The following RIBC2 variants were observed in gnomAD, a reference collection of about 807,000 sequenced individuals.
The protein encoded by RIBC2 is RIB43A-like with coiled-coils protein 2.
A neutral mutation model predicts 44.3 loss-of-function variants in RIBC2; 40 were observed. The ratio of observed to expected loss-of-function variants is 0.90; its 90% CI spans 0.70 to 1.18. RIBC2 has a LOEUF of 1.18. RIBC2 is among the 50% of genes most tolerant of loss of function. RIBC2 has a pLI of 0.00. For missense variants in RIBC2, 459 were observed against 485.5 expected, an observed-to-expected ratio of 0.95 and a Z score of 0.51; for synonymous variants, 171 against 175.0, an observed-to-expected ratio of 0.98 and a Z score of 0.18.
intron 4 of RIBC2, among the ~76,000 whole-genome samples, chr22:45,423,627 CCA>C (rs1414504269): frequency 6.6e-6 from 1 of 152,036 alleles, no homozygotes; most frequent in African/African-American, 2.4e-5. Context: ...GTCAAAAATC[CCA>C]GAGAGGCTGG....
intron 5 of RIBC2, among the ~76,000 whole-genome samples, chr22:45,429,852 GA>G (rs2087563875): frequency 6.6e-6 from 1 of 152,152 alleles, no homozygotes; most frequent in Admixed American, 6.6e-5. Flanking sequence ...AAACACACAT[GA>G]AACCTCCCCA....
chr22:45,430,748 TG>T, intron 5 of RIBC2, 151 bp from the exon 6 acceptor site: 2 of 997,848 alleles, frequency 2.0e-6, no homozygotes, highest in Non-Finnish European at 2.9e-6. Flanking sequence ...GGGTCTCCTC[TG>T]GCTTCCTGCA....
In RIBC2 at chr22:45,417,789, T is replaced by C. The variant is rs2087439740; in HGVS notation, c.399T>C (p.Asp133=). 1.9e-6 allele frequency: 3 copies of C among 1,614,148 alleles called. No homozygotes were observed. In the East Asian group the frequency reaches 6.7e-5, roughly 36 times the overall value. ...AAGATCTTCCAGCCCGGCAGTCAGA[T>C]AATGATGTTCGGAATACGATATCAG... ...LKKDLPARQS[D]NDVRNTISGM... is the part of the protein sequence containing the mutation. Residue 133 remains aspartate, a synonymous_variant, in exon 3 of 7, where the codon GAT becomes GAC. Transcript: ENST00000614167.
chr22:45,419,439 A>G (rs1236125707), intron 3 of RIBC2, among the ~76,000 whole-genome samples: 1 of 152,016 alleles, frequency 6.6e-6, no homozygotes, highest in East Asian at 1.9e-4. Flanking sequence ...AACTAAGGCT[A>G]TCAGCATCTC....
chr22:45,425,903 C>G (rs1305948732), intron 4 of RIBC2, 45 bp from the exon 5 acceptor site: 3 of 1,544,098 alleles, frequency 1.9e-6, no homozygotes, highest in African/African-American at 1.4e-5. Flanking sequence ...CAGAATGCCC[C>G]TGGGGTCACT....
rs1417708925 is a variant in RIBC2 at position 45,430,999 on chromosome 22, C to T, written c.1003C>T (p.Arg335Trp). ...GCTGTTTGAGCGGCAGCAGTGGCGGCGGCAGCGCGACCTGCGCAGAGCTCT... is the reference window on the plus strand; with the variant it reads ...GCTGTTTGAGCGGCAGCAGTGGCGGTGGCAGCGCGACCTGCGCAGAGCTCT... ...TLLFERQQWR[R>W]QRDLRRALDS... Residue 335 changes from arginine to tryptophan, a missense_variant, in exon 6 of 7, where the codon CGG (arginine) becomes TGG (tryptophan). Coordinates refer to ENST00000614167, the MANE Select transcript of RIBC2 (RefSeq NM_015653.5). 1.9e-6 allele frequency: 3 copies of T among 1,597,916 alleles called. No individual in the cohort carries two copies. The highest frequency in any genetic ancestry group is 1.1e-5 in the South Asian group (1 of 88,760).
chr22:45,421,868 C>T (rs1424545331), intron 3 of RIBC2, among the ~76,000 whole-genome samples: 1 of 152,074 alleles, frequency 6.6e-6, no homozygotes, highest in African/African-American at 2.4e-5. Flanking sequence ...CATCTGGCCC[C>T]ACTTCCTCCA....
intron 5 of RIBC2, among the ~76,000 whole-genome samples, chr22:45,429,139 G>A (rs569817319): frequency 6.6e-6 from 1 of 152,336 alleles, no homozygotes; most frequent in South Asian, 2.1e-4. Context: ...TAATGACAAC[G>A]GAAGGGTGGA....
chr22:45,423,950 GATA>G (rs1295311685), intron 4 of RIBC2, among the ~76,000 whole-genome samples: 1 of 152,140 alleles, frequency 6.6e-6, no homozygotes, highest in Non-Finnish European at 1.5e-5. Context: ...TGATGATGAT[GATA>G]ATTCACTCAT....
chr22:45,423,034 T>C (rs931014281), intron 4 of RIBC2, among the ~76,000 whole-genome samples: 5 of 152,206 alleles, frequency 3.3e-5, no homozygotes, highest in East Asian at 3.9e-4. Flanking sequence ...CAGGCTGAAG[T>C]GTAGTGGCAC....
chr22:45,413,943 C>T lies in RIBC2; in HGVS notation c.57C>T (p.Asn19=). 1 of 1,551,700 alleles carries T rather than the reference C, an allele frequency of 6.4e-7. No individual in the cohort carries two copies. Among genetic ancestry groups the T allele is most frequent in the South Asian group, 1.2e-5 (1 of 84,060 alleles). The change falls in exon 1 of 7, where the codon AAC becomes AAT. Residue 19 remains asparagine (N), a synonymous_variant. Transcript: ENST00000614167. ...ALPRDLRQDA[N]LAKRRHAELC... ...CCAGGGACTTGCGGCAGGACGCCAA[C>T]CTGGCAAAGAGGAGGCACGCGGAGC...
intron 4 of RIBC2, among the ~76,000 whole-genome samples, chr22:45,423,432 T>C (rs928640728): frequency 6.6e-6 from 1 of 152,228 alleles, no homozygotes; most frequent in Non-Finnish European, 1.5e-5. Flanking sequence ...AAGAAGGCTG[T>C]GCAGGATCTG....
At chr22:45,428,723 G>C (rs541059849) in intron 5 of RIBC2, among the ~76,000 whole-genome samples, 1 of 152,146 alleles carries the variant, frequency 6.6e-6, no homozygotes, top group Non-Finnish European at 1.5e-5. Context: ...AGTGCTAAGT[G>C]GTCATCTAGA....
At chr22:45,429,549 G>GGGCA (rs2087561167) in intron 5 of RIBC2, among the ~76,000 whole-genome samples, 13 of 152,228 alleles carry the variant, frequency 8.5e-5, no homozygotes, top group Middle Eastern at 3.4e-3. Context: ...TGAGGAGTGG[G>GGGCA]TGGGGCAGCT....
Position 45,421,532 on chromosome 22 carries a change from TTATTAATAATATTAATAATAATAATAG to T in RIBC2, c.557-752_557-726del, listed in dbSNP as rs1569208842. ...AGTATTATTAATAATAATAATAGTA[TTATTAATAATATTAATAATAATAATAG>T]TATTATTAATAATAGTATTATTAAT... is the stretch of plus-strand genomic sequence containing the variant. On this transcript the variant is annotated intron_variant, in intron 3 of 6. Transcript: ENST00000614167. 3.4e-3 allele frequency among the ~76,000 whole-genome samples: 106 copies of T among 31,356 alleles called. 1 individual carries two copies. In the African/African-American group the frequency reaches 0.036, roughly 11 times the overall value. 20.6% of individuals were successfully genotyped at this position (31,356 alleles called of 152,430 possible).
intron 3 of RIBC2, among the ~76,000 whole-genome samples, chr22:45,421,529 G>C (rs62226822): frequency 1.1e-3 from 33 of 30,742 alleles, no homozygotes; most frequent in African/African-American, 5.7e-3. Flanking sequence ...AATAATAATA[G>C]TATTATTAAT....
intron 1 of RIBC2, 68 bp from the exon 2 acceptor site, chr22:45,414,254 A>C: frequency 6.6e-7 from 1 of 1,512,868 alleles, no homozygotes; most frequent in Non-Finnish European, 8.8e-7. Flanking sequence ...AATAATAATA[A>C]GTAGGATTGT....
At chr22:45,416,960 G>A (rs183882430) in intron 2 of RIBC2, among the ~76,000 whole-genome samples, 11 of 148,248 alleles carry the variant, frequency 7.4e-5, no homozygotes, top group Middle Eastern at 3.6e-3. Flanking sequence ...GGAATGCAGC[G>A]GCGTGATCTT....
rs571653987 is a variant in RIBC2, at chr22:45,417,689, A to G, written c.299A>G (p.Asn100Ser). Residue 100 changes from asparagine to serine, a missense_variant, in exon 3 of 7, where the codon AAT becomes AGT. Transcript: ENST00000614167. Reference sequence around the variant, plus strand: ...AGGAAAAATCTCTGTAGGGCTATCAATGACTTCCAACAGAGCTTTCAGAAG... The same window carrying G: ...AGGAAAAATCTCTGTAGGGCTATCAGTGACTTCCAACAGAGCTTTCAGAAG... ...RDRKNLCRAI[N>S]DFQQSFQKPE... 37 of 1,614,176 alleles carry G rather than the reference A, an allele frequency of 2.3e-5. No individual in the cohort carries two copies. The highest frequency in any genetic ancestry group is 1.1e-4 in the East Asian group (5 of 44,888).
Sources: allele counts gnomAD v4.1 joint callset (sites outside exome capture counted in the v4.1 genomes callset), GRCh38; gene constraint gnomAD v4.1.1; transcripts MANE v1.5; gene names NCBI Gene and HGNC (gene_info 2026-07-23, HGNC 2026-07-21).